FBXO16: variants seen among roughly 807,000 people sequenced by gnomAD.
FBXO16 encodes F-box only protein 16.
A neutral mutation model predicts 41.0 loss-of-function variants in FBXO16; 31 were observed. That is an observed-to-expected ratio of 0.76 (90% CI 0.57 to 1.02). The LOEUF (loss-of-function observed/expected upper bound fraction) is 1.02. Among genes scored for constraint, FBXO16 ranks in the 50% least tolerant of loss-of-function variants. FBXO16 has a pLI of 0.00. For synonymous variants in FBXO16, 133 were observed against 117.8 expected (o/e 1.13, Z -0.84); for missense variants, 361 against 346.2 (o/e 1.04, Z -0.34).
At chr8:28,477,448 G>A (rs760578051) in intron 2 of FBXO16, among the ~76,000 whole-genome samples, 1 of 152,152 alleles carries the variant, frequency 6.6e-6, no homozygotes, top group South Asian at 2.1e-4. Context: ...AAGGTCATCT[G>A]ATCCAATCCA....
At chr8:28,441,703 T>G (rs893152672) in intron 7 of FBXO16, among the ~76,000 whole-genome samples, 1 of 138,592 alleles carries the variant, frequency 7.2e-6, no homozygotes, top group African/African-American at 2.7e-5. Flanking sequence ...GCCATTGCAC[T>G]CCAGCCTGGG....
chr8:28,450,920 G>A (rs920467375), intron 6 of FBXO16, among the ~76,000 whole-genome samples: 43 of 152,002 alleles, frequency 2.8e-4, no homozygotes, highest in African/African-American at 8.0e-4. Flanking sequence ...ATGAGACCCC[G>A]TTCTACAAAA....
At chr8:28,487,429 CTT>C (rs1803619990) in intron 1 of FBXO16, among the ~76,000 whole-genome samples, 1 of 138,064 alleles carries the variant, frequency 7.2e-6, no homozygotes, top group Admixed American at 7.6e-5. Flanking sequence ...AAGTCTCACT[CTT>C]TTGCCCAGGC....
intron 4 of FBXO16, among the ~76,000 whole-genome samples, chr8:28,463,216 ATG>A (rs55932479): frequency 0.01 from 1,522 of 145,708 alleles, 11 homozygotes; most frequent in Middle Eastern, 0.026. Flanking sequence ...TTGTGTGTTT[ATG>A]TGTGTCCGTG....
chr8:28,482,322 G>A (rs1803527162), intron 2 of FBXO16, among the ~76,000 whole-genome samples: 1 of 152,176 alleles, frequency 6.6e-6, no homozygotes, highest in African/African-American at 2.4e-5. Flanking sequence ...GTAGGAGCAA[G>A]AGGATGAGGT....
intron 1 of FBXO16, among the ~76,000 whole-genome samples, chr8:28,487,828 C>A (rs937767730): frequency 1.3e-5 from 2 of 151,814 alleles, no homozygotes; most frequent in Non-Finnish European, 2.9e-5. Flanking sequence ...GTAAGGACTA[C>A]CTTTGAATAT....
In FBXO16 at chr8:28,483,464, T is replaced by C; in HGVS notation, c.-16-2A>G. 1 of 1,600,048 alleles carries C rather than the reference T, an allele frequency of 6.2e-7. No individual in the cohort carries two copies. Among genetic ancestry groups the C allele is most frequent in the Non-Finnish European group, 8.5e-7 (1 of 1,169,680 alleles). ...GCCATCATGAAACAACTGGATATCCTTCCATAAGAAAAACAACACCTATCA... is the reference window on the plus strand; with the variant it reads ...GCCATCATGAAACAACTGGATATCCCTCCATAAGAAAAACAACACCTATCA... On this transcript the variant is annotated splice_acceptor_variant, in intron 1 of 8. Coordinates refer to ENST00000380254, the MANE Select transcript of FBXO16 (RefSeq NM_172366.4). LOFTEE classifies it low-confidence loss of function (5UTR_SPLICE).
chr8:28,433,954 T>C (rs2130077497), intron 7 of FBXO16, among the ~76,000 whole-genome samples: 1 of 144,032 alleles, frequency 6.9e-6, no homozygotes, highest in African/African-American at 2.7e-5. Context: ...TTTCACTCCC[T>C]GATTTTTTTT....
intron 7 of FBXO16, among the ~76,000 whole-genome samples, chr8:28,432,344 G>C (rs971465738): frequency 1.3e-5 from 2 of 151,624 alleles, no homozygotes; most frequent in Non-Finnish European, 2.9e-5. Context: ...CGTGGTGGCG[G>C]GTGCCTGTAA....
Position 28,458,590 on chromosome 8 carries a change from T to C in FBXO16, c.343-1660A>G, listed in dbSNP as rs1585905992. Among the ~76,000 whole-genome samples, 4 of 148,636 alleles carry C rather than the reference T, an allele frequency of 2.7e-5. No individual in the cohort carries two copies. In the Admixed American group the frequency reaches 2.7e-4, roughly 10 times the overall value. On this transcript the variant is annotated intron_variant, in intron 4 of 8. Coordinates refer to ENST00000380254, the MANE Select transcript of FBXO16 (RefSeq NM_172366.4). The stretch of plus-strand genomic sequence containing the variant: ...TTTTTGAGACAGAGTTTTGCCCTTG[T>C]TGCCCAGGCTGGAGTGCAGTGGTGC...
chr8:28,450,246 T>G (rs994356737), intron 6 of FBXO16, among the ~76,000 whole-genome samples: 1 of 152,134 alleles, frequency 6.6e-6, no homozygotes, highest in African/African-American at 2.4e-5. Flanking sequence ...ACAATGGTGC[T>G]GGGGAAACGG....
intron 3 of FBXO16, among the ~76,000 whole-genome samples, chr8:28,469,206 G>C (rs771924602): frequency 1.3e-5 from 2 of 151,924 alleles, no homozygotes; most frequent in African/African-American, 4.8e-5. Flanking sequence ...CCAGCTACTC[G>C]GGAGGCTGAA....
chr8:28,447,047 C>A, intron 7 of FBXO16, 124 bp downstream of exon 7: 1 of 831,696 alleles, frequency 1.2e-6, no homozygotes, highest in Non-Finnish European at 1.8e-6. Context: ...TGTCAGAAAC[C>A]CGAATTTAAA....
chr8:28,466,872 T>A (rs1554527622), intron 3 of FBXO16, among the ~76,000 whole-genome samples: 1 of 151,826 alleles, frequency 6.6e-6, no homozygotes, highest in Non-Finnish European at 1.5e-5. Flanking sequence ...TGGCTGTGAG[T>A]TTTGAACTGG....
At chr8:28,457,847 C>T (rs1585905385) in intron 4 of FBXO16, among the ~76,000 whole-genome samples, 1 of 152,180 alleles carries the variant, frequency 6.6e-6, no homozygotes, top group South Asian at 2.1e-4. Context: ...GCATAAAGCA[C>T]TTATTATGTA....
rs78913392 is a variant in FBXO16, at chr8:28,474,060, A to G, written c.100-253T>C. Among the ~76,000 whole-genome samples the G allele has an allele frequency of 3.2e-3, 482 of 152,164 alleles. 6 individuals carry two copies. The East Asian group carries it at 0.05, about 16-fold the overall frequency. On this transcript the variant is annotated intron_variant, in intron 2 of 8. Transcript: ENST00000380254. ...GTAATAAGGCTGGGTTCAGTGGCTC[A>G]CACCTGTAATCCCAGCACTTTGGGA...
chr8:28,470,806 G>A (rs1803322687), intron 3 of FBXO16, among the ~76,000 whole-genome samples: 1 of 152,026 alleles, frequency 6.6e-6, no homozygotes, highest in East Asian at 1.9e-4. Context: ...TTATTGACTT[G>A]TAGGAACTCT....
intron 7 of FBXO16, among the ~76,000 whole-genome samples, chr8:28,440,525 C>G (rs769260771): frequency 2.0e-5 from 3 of 152,154 alleles, no homozygotes; most frequent in South Asian, 4.1e-4. Flanking sequence ...ACAATATGAT[C>G]CAGGAATCAC....
At chr8:28,458,361 T>A (rs530120913) in intron 4 of FBXO16, among the ~76,000 whole-genome samples, 1 of 152,206 alleles carries the variant, frequency 6.6e-6, no homozygotes, top group South Asian at 2.1e-4. Flanking sequence ...GAGGATTTGA[T>A]ACAGCCCTGC....
Sources: gnomAD v4.1 joint callset for allele counts (sites outside exome capture counted in the v4.1 genomes callset) on GRCh38, gnomAD v4.1.1 for gene constraint, MANE v1.5 for transcripts, NCBI Gene and HGNC (gene_info 2026-07-23, HGNC 2026-07-21) for gene names.